The following CDH12 variants were observed in gnomAD, a reference collection of about 807,000 sequenced individuals.
The protein encoded by CDH12 is cadherin 12, also known as cadherin-12.
CDH12 carries 41 observed loss-of-function variants against 74.1 expected under a neutral mutation model. That is an observed-to-expected ratio of 0.55 (90% confidence interval 0.43 to 0.72). CDH12 has a LOEUF of 0.72. Ranked by LOEUF, CDH12 falls within the 30% of genes least tolerant of loss-of-function variation. The pLI, the probability that CDH12 is intolerant of heterozygous loss-of-function variation, is 0.00. For synonymous variants in CDH12, 399 were observed against 355.0 expected (o/e 1.12, Z -1.39); for missense variants, 945 against 977.2 (o/e 0.97, Z 0.44).
intron 4 of CDH12, among the ~76,000 whole-genome samples, chr5:22,188,753 AG>A (rs1750107014): frequency 1.3e-5 from 2 of 152,216 alleles, no homozygotes; most frequent in African/African-American, 4.8e-5. Context: ...CTCAGAAGCA[AG>A]ATTGGCAAGC....
chr5:21,777,363 A>T (rs1303317395), intron 11 of CDH12, among the ~76,000 whole-genome samples: 1 of 152,128 alleles, frequency 6.6e-6, no homozygotes, highest in Non-Finnish European at 1.5e-5. Context: ...TTTCTATTGA[A>T]TTTTGATATG....
In CDH12 at chr5:22,277,782, C is replaced by T. The variant is rs572849692; in HGVS notation, c.-332-65139G>A. 5.3e-5 allele frequency among the ~76,000 whole-genome samples: 8 copies of T among 152,170 alleles called. No homozygotes were observed. In the East Asian group the frequency reaches 5.8e-4, roughly 11 times the overall value. On this transcript the variant is annotated intron_variant, in intron 3 of 14. Transcript: ENST00000382254. ...CCGGGAGGTGGAGATTGCAGTGGGC[C>T]GAGATTGCGCCATTGCACTCCAGCC...
chr5:22,449,287 T>A (rs1744951000), intron 2 of CDH12, among the ~76,000 whole-genome samples: 1 of 151,980 alleles, frequency 6.6e-6, no homozygotes, highest in African/African-American at 2.4e-5. Context: ...TGAAACTCCT[T>A]GTTTTGATGC....
Position 22,179,350 on chromosome 5 carries a change from T to C in CDH12, c.-187+33148A>G, listed in dbSNP as rs148776377. 8.4e-3 allele frequency among the ~76,000 whole-genome samples: 1,273 copies of C among 152,278 alleles called. 19 individuals are homozygous for C. Among genetic ancestry groups the C allele is most frequent in the African/African-American group, 0.029 (1,192 of 41,570 alleles). On this transcript the variant is annotated intron_variant, in intron 4 of 14. Transcript: ENST00000382254. The stretch of plus-strand genomic sequence containing the variant: ...GAGTATTCTTTGGAGGCAGGTTAAT[T>C]GCTTTCATCCAATAAGAGGAGATTT...
intron 6 of CDH12, among the ~76,000 whole-genome samples, chr5:21,856,591 G>A (rs1189866974): frequency 1.3e-5 from 2 of 151,656 alleles, no homozygotes; most frequent in African/African-American, 4.8e-5. Context: ...AGATGAACAC[G>A]TATTGTCTTT....
intron 2 of CDH12, among the ~76,000 whole-genome samples, chr5:22,411,815 G>A (rs1430244147): frequency 6.6e-6 from 1 of 151,908 alleles, no homozygotes; most frequent in Non-Finnish European, 1.5e-5. Context: ...TAGAGGATAG[G>A]TTTGTGTGAA....
chr5:22,575,807 C>T (rs1004231257), intron 1 of CDH12, among the ~76,000 whole-genome samples: 5 of 152,122 alleles, frequency 3.3e-5, no homozygotes, highest in Admixed American at 6.5e-5. Context: ...TCAAGCGATC[C>T]GCCTGCCTCA....
chr5:22,731,347 T>C, intron 1 of CDH12, among the ~76,000 whole-genome samples: 1 of 151,876 alleles, frequency 6.6e-6, no homozygotes. Context: ...ATGGATGTTA[T>C]GGATTATAAA....
At chr5:22,636,825 A>G (rs907098430) in intron 1 of CDH12, among the ~76,000 whole-genome samples, 7 of 152,208 alleles carry the variant, frequency 4.6e-5, no homozygotes, top group Non-Finnish European at 1.0e-4. Flanking sequence ...TGGCTTGTGA[A>G]TTATATCTCA....
intron 1 of CDH12, among the ~76,000 whole-genome samples, chr5:22,728,501 T>C (rs1295269448): frequency 3.9e-5 from 6 of 151,942 alleles, no homozygotes; most frequent in South Asian, 4.1e-4. Flanking sequence ...AACTCTGTAG[T>C]AATACCTTGA....
At chr5:22,599,748 A>G (rs1281072588) in intron 1 of CDH12, among the ~76,000 whole-genome samples, 3 of 152,202 alleles carry the variant, frequency 2.0e-5, no homozygotes, top group East Asian at 1.9e-4. Context: ...TAGTAAATAT[A>G]CTTATTTATG....
intron 5 of CDH12, among the ~76,000 whole-genome samples, chr5:22,068,937 C>A (rs941967844): frequency 6.6e-6 from 1 of 152,168 alleles, no homozygotes; most frequent in Non-Finnish European, 1.5e-5. Flanking sequence ...TAGAGACCAA[C>A]AGTAAATCCC....
intron 6 of CDH12, among the ~76,000 whole-genome samples, chr5:21,881,848 C>A (rs1752370991): frequency 6.6e-6 from 1 of 152,024 alleles, no homozygotes. Flanking sequence ...AATCATGGAT[C>A]TTTTTTCTTT....
intron 1 of CDH12, among the ~76,000 whole-genome samples, chr5:22,571,292 T>C (rs1004982387): frequency 6.6e-5 from 10 of 152,142 alleles, no homozygotes; most frequent in African/African-American, 2.4e-4. Flanking sequence ...TCAACTTTTG[T>C]CATGCCTTCC....
chr5:22,640,918 T>A (rs865961740), intron 1 of CDH12, among the ~76,000 whole-genome samples: 3 of 152,346 alleles, frequency 2.0e-5, no homozygotes, highest in Admixed American at 2.0e-4. Flanking sequence ...TTCCCTATTT[T>A]AAAGTATTTT....
intron 1 of CDH12, among the ~76,000 whole-genome samples, chr5:22,514,842 TAAG>T (rs1468685327): frequency 2.0e-5 from 3 of 152,106 alleles, no homozygotes; most frequent in Non-Finnish European, 4.4e-5. Flanking sequence ...TTCACTAAGA[TAAG>T]AAGAACAAGA....
chr5:21,837,663 C>G (rs974220590), intron 8 of CDH12, among the ~76,000 whole-genome samples: 6 of 152,208 alleles, frequency 3.9e-5, no homozygotes, highest in African/African-American at 1.4e-4. Context: ...GCAAAAAGAG[C>G]ATTGGCTTTT....
At chr5:21,970,537 C>T (rs934088455) in intron 6 of CDH12, among the ~76,000 whole-genome samples, 5 of 152,004 alleles carry the variant, frequency 3.3e-5, no homozygotes, top group African/African-American at 4.8e-5. Flanking sequence ...AATATGGCCA[C>T]GAAACAAGTA....
At chr5:21,765,170 A>G (rs1744951657) in intron 11 of CDH12, 71 bp from the exon 12 acceptor site, 1 of 1,261,668 alleles carries the variant, frequency 7.9e-7, no homozygotes, top group Non-Finnish European at 1.1e-6. Flanking sequence ...AATAAATAGT[A>G]TTTACATTTT....
Sources: gnomAD v4.1 joint callset for allele counts (sites outside exome capture counted in the v4.1 genomes callset) on GRCh38, gnomAD v4.1.1 for gene constraint, MANE v1.5 for transcripts, NCBI Gene and HGNC (gene_info 2026-07-23, HGNC 2026-07-21) for gene names.